FILIP1L: variants seen among roughly 807,000 people sequenced by gnomAD.
FILIP1L encodes filamin A interacting protein 1 like, also known as filamin A-interacting protein 1-like.
In FILIP1L, 55 loss-of-function variants were observed where a neutral mutation model predicts 96.6. The ratio of observed to expected loss-of-function variants is 0.57; its 90% CI spans 0.46 to 0.71. The LOEUF (loss-of-function observed/expected upper bound fraction) is 0.71. Ranked by LOEUF, FILIP1L falls within the 30% of genes least tolerant of loss-of-function variation. The probability of loss-of-function intolerance (pLI) is 0.00; values close to 1 mark genes in which losing one functional copy is unlikely to be tolerated. For missense variants in FILIP1L, 1,304 were observed against 1,321.2 expected, an observed-to-expected ratio of 0.99 and a Z score of 0.20; for synonymous variants, 467 against 473.9, an observed-to-expected ratio of 0.99 and a Z score of 0.19.
intron 1 of FILIP1L, among the ~76,000 whole-genome samples, chr3:100,078,142 A>G (rs1017711533): frequency 6.6e-6 from 1 of 152,200 alleles, no homozygotes; most frequent in Non-Finnish European, 1.5e-5. Context: ...TTAGTATACA[A>G]ACATCATATT....
chr3:99,845,324 C>T (rs1025822690), intron 5 of FILIP1L, among the ~76,000 whole-genome samples: 3 of 152,076 alleles, frequency 2.0e-5, no homozygotes, highest in African/African-American at 7.2e-5. Context: ...TAGGATTCTA[C>T]CTTTTAAAGA....
chr3:100,002,209 A>G (rs538807142), intron 1 of FILIP1L, among the ~76,000 whole-genome samples: 10 of 152,302 alleles, frequency 6.6e-5, no homozygotes, highest in African/African-American at 2.2e-4. Flanking sequence ...TGCTGGGTAA[A>G]TCACGCACAG....
At chr3:100,107,420 A>G (rs2066413694) in intron 1 of FILIP1L, among the ~76,000 whole-genome samples, 1 of 152,118 alleles carries the variant, frequency 6.6e-6, no homozygotes, top group African/African-American at 2.4e-5. Context: ...GAATTTCTGA[A>G]CACTTTGTTT....
intron 4 of FILIP1L, among the ~76,000 whole-genome samples, chr3:99,894,142 C>T (rs1231237104): frequency 1.3e-5 from 2 of 152,116 alleles, no homozygotes; most frequent in Admixed American, 1.3e-4. Context: ...TGCTTTAAGA[C>T]AATTACAGCT....
Position 99,848,341 on chromosome 3 carries a change from G to C in FILIP1L, c.3335C>G (p.Thr1112Ser). The C allele has an allele frequency of 6.2e-7, 1 of 1,614,152 alleles. No homozygotes were observed. The highest frequency in any genetic ancestry group is 8.5e-7 in the Non-Finnish European group (1 of 1,179,982). Residue 1112 changes from threonine to serine, a missense_variant, in exon 5 of 6, where the codon ACT becomes AGT. Transcript: ENST00000477258. ...AAGAGGTGTGGCTGTTGGTGTGATAGTAATACTGCTGGTGACTTTATTGGT... is the reference window on the plus strand; with the variant it reads ...AAGAGGTGTGGCTGTTGGTGTGATACTAATACTGCTGGTGACTTTATTGGT... Reference protein sequence around the residue: ...KTTNKVTSSITITPTATPLPR... With the variant: ...KTTNKVTSSISITPTATPLPR...
At chr3:100,112,560 CA>C (rs1323548007) in intron 1 of FILIP1L, among the ~76,000 whole-genome samples, 1 of 152,178 alleles carries the variant, frequency 6.6e-6, no homozygotes, top group African/African-American at 2.4e-5. Context: ...AAGACAATTA[CA>C]CATGAACTTT....
chr3:99,991,795 A>G (rs1244257929), intron 1 of FILIP1L, among the ~76,000 whole-genome samples: 3 of 151,110 alleles, frequency 2.0e-5, no homozygotes, highest in Admixed American at 6.6e-5. Flanking sequence ...TCTTTTTCTA[A>G]AGCCAGTAAA....
intron 4 of FILIP1L, among the ~76,000 whole-genome samples, chr3:99,885,800 T>A (rs930189750): frequency 7.9e-5 from 12 of 152,172 alleles, no homozygotes; most frequent in African/African-American, 2.9e-4. Context: ...ACACAGAGAC[T>A]TGAAGGCTTT....
chr3:99,868,400 T>G (rs575163582), intron 4 of FILIP1L, among the ~76,000 whole-genome samples: 4 of 152,270 alleles, frequency 2.6e-5, no homozygotes, highest in African/African-American at 9.6e-5. Context: ...ACAAAGGACC[T>G]CCTCTTTGGC....
At chr3:99,952,683 T>TAA (rs1357729144) in intron 1 of FILIP1L, among the ~76,000 whole-genome samples, 11 of 152,348 alleles carry the variant, frequency 7.2e-5, no homozygotes, top group Non-Finnish European at 1.3e-4. Flanking sequence ...ATTTCCTCTT[T>TAA]CTACCCTATA....
chr3:99,903,760 G>T (rs143477058), intron 4 of FILIP1L, among the ~76,000 whole-genome samples: 3 of 152,040 alleles, frequency 2.0e-5, no homozygotes, highest in Non-Finnish European at 1.5e-5. Flanking sequence ...GATCAGTGAC[G>T]TGGCCCCCAA....
intron 1 of FILIP1L, among the ~76,000 whole-genome samples, chr3:99,944,305 C>G (rs1365049183): frequency 1.3e-5 from 2 of 152,176 alleles, no homozygotes; most frequent in Non-Finnish European, 2.9e-5. Flanking sequence ...GAACTATGAT[C>G]CTGCCAGTTT....
chr3:100,081,813 G>C (rs912421929), intron 1 of FILIP1L, among the ~76,000 whole-genome samples: 5 of 152,054 alleles, frequency 3.3e-5, no homozygotes, highest in African/African-American at 1.2e-4. Flanking sequence ...CTGGGTCTTA[G>C]TTGCAGAGGG....
At chr3:99,940,850 C>T (rs1364138679) in intron 1 of FILIP1L, among the ~76,000 whole-genome samples, 1 of 152,188 alleles carries the variant, frequency 6.6e-6, no homozygotes, top group Non-Finnish European at 1.5e-5. Context: ...TCAAGAGTTT[C>T]CATCTTTACA....
rs757891591 is a variant in FILIP1L, at chr3:99,849,852, AT to A, written c.1823del (p.Asn608IlefsTer28). On this transcript the variant is annotated frameshift_variant, in exon 5 of 6. Transcript: ENST00000477258. LOFTEE classifies it high-confidence loss of function. Reference protein sequence around the residue: ...IEKDFLKNKLNQDSGKSTTAL... With the variant: ...IEKDFLKNKLXQDSGKSTTAL... ...CTGTTGTGGATTTCCCAGAGTCTTG[AT>A]TTAATTTGTTTTTTAGGAAATCTTT... 6.2e-7 allele frequency: 1 copy of A among 1,610,688 alleles called. No homozygotes were observed. Among genetic ancestry groups the A allele is most frequent in the African/African-American group, 1.3e-5 (1 of 74,626 alleles).
chr3:100,044,497 C>T (rs1005888088), intron 1 of FILIP1L, among the ~76,000 whole-genome samples: 1 of 152,082 alleles, frequency 6.6e-6, no homozygotes, highest in African/African-American at 2.4e-5. Context: ...GGACAGCTTG[C>T]TCCAAGAACC....
chr3:99,863,960 T>C (rs1004281845), intron 4 of FILIP1L, among the ~76,000 whole-genome samples: 1 of 152,230 alleles, frequency 6.6e-6, no homozygotes, highest in Non-Finnish European at 1.5e-5. Context: ...GGATCAGTGT[T>C]CTTAAGCAGG....
chr3:99,962,291 T>C (rs1708516375), intron 1 of FILIP1L, among the ~76,000 whole-genome samples: 1 of 152,070 alleles, frequency 6.6e-6, no homozygotes, highest in East Asian at 1.9e-4. Context: ...AGTGGGAAGA[T>C]GAGGTCGCAT....
intron 1 of FILIP1L, among the ~76,000 whole-genome samples, chr3:100,045,158 A>G (rs1393506534): frequency 1.3e-5 from 2 of 152,244 alleles, no homozygotes; most frequent in Admixed American, 6.5e-5. Context: ...TTTATAGATT[A>G]TATTTAAAGC....
Sources: allele counts gnomAD v4.1 joint callset (sites outside exome capture counted in the v4.1 genomes callset), GRCh38; gene constraint gnomAD v4.1.1; transcripts MANE v1.5; gene names NCBI Gene and HGNC (gene_info 2026-07-23, HGNC 2026-07-21).